Variants in RDH8 observed in about 807,000 individuals in gnomAD.
RDH8 encodes the protein photoreceptor outer segment all-trans retinol dehydrogenase.
In RDH8, 14 loss-of-function variants were observed where a neutral mutation model predicts 22.3. The observed-to-expected ratio is 0.63, with a 90% CI of 0.42 to 0.98. The LOEUF is 0.98. Ranked by LOEUF, RDH8 falls within the 50% of genes least tolerant of loss-of-function variation. The pLI, the probability that RDH8 is intolerant of heterozygous loss-of-function variation, is 0.00. For missense variants in RDH8, 389 were observed against 409.8 expected (o/e 0.95, Z 0.44); for synonymous variants, 175 against 171.7 (o/e 1.02, Z -0.15).
At chr19:10,020,992 C>T (rs559536908) in intron 4 of RDH8, 190 bp downstream of exon 4, 16 of 629,596 alleles carry the variant, frequency 2.5e-5, no homozygotes, top group African/African-American at 2.4e-4. Context: ...GGCAACATAG[C>T]GAGACCCCCA....
At chr19:10,018,186 C>A (rs1382429076) in intron 2 of RDH8, among the ~76,000 whole-genome samples, 21 of 152,086 alleles carry the variant, frequency 1.4e-4, no homozygotes, top group Admixed American at 1.4e-3. Flanking sequence ...TCAGGTGATC[C>A]ACTCACCTTG....
rs1324809590 is a variant in RDH8 at position 10,021,832 on chromosome 19, T to A, written c.*83T>A. 8.8e-6 allele frequency: 12 copies of A among 1,362,090 alleles called. No homozygotes were observed. The highest frequency in any genetic ancestry group is 1.2e-5 in the Non-Finnish European group (12 of 990,352). 84.4% of individuals were successfully genotyped at this position (1,362,090 alleles called of 1,614,324 possible). On this transcript the variant is annotated 3_prime_UTR_variant, in exon 6 of 6. Transcript: ENST00000591589. ...CTAATTCAAAGGATGAACAGACTCT[T>A]CATTTATTCATTCTGCAAACTCCCC...
At position 10,018,812 on chromosome 19, in the gene RDH8, T is replaced by A; in HGVS notation, c.344T>A (p.Phe115Tyr). ...ATGCAGAATGTCTTTGACACCAACTTTTTCGGAGCTGTCCGTCTCGTCAAA... is the reference window on the plus strand; with the variant it reads ...ATGCAGAATGTCTTTGACACCAACTATTTCGGAGCTGTCCGTCTCGTCAAA... ...AAMQNVFDTN[F>Y]FGAVRLVKAV... is the part of the protein sequence containing the mutation. The change falls in exon 3 of 6, where the codon TTT becomes TAT. Residue 115 changes from phenylalanine (F) to tyrosine (Y), a missense_variant. Physicochemically the swap from Phe to Tyr is conservative, Grantham distance 22 (BLOSUM62 3). Coordinates refer to ENST00000591589, the MANE Select transcript of RDH8 (RefSeq NM_015725.4). 6.2e-7 allele frequency: 1 copy of A among 1,613,962 alleles called. No individual in the cohort carries two copies. The highest frequency in any genetic ancestry group is 8.5e-7 in the Non-Finnish European group (1 of 1,179,946).
intron 2 of RDH8, among the ~76,000 whole-genome samples, chr19:10,017,717 G>T (rs1393719350): frequency 2.6e-4 from 39 of 152,230 alleles, no homozygotes; most frequent in Non-Finnish European, 7.4e-5. Context: ...CGTGATCTCG[G>T]CTCACTGCAA....
At chr19:10,020,115 T>TC (rs1052204229) in intron 3 of RDH8, among the ~76,000 whole-genome samples, 29 of 149,978 alleles carry the variant, frequency 1.9e-4, no homozygotes, top group South Asian at 4.2e-4. Context: ...AGACTCCGTC[T>TC]CCCCCCCGCC....
At chr19:10,017,825 T>C (rs2087630846) in intron 2 of RDH8, among the ~76,000 whole-genome samples, 1 of 151,882 alleles carries the variant, frequency 6.6e-6, no homozygotes, top group African/African-American at 2.4e-5. Flanking sequence ...TTTGTATTTT[T>C]CTTAGAGACG....
At chr19:10,016,198 G>A (rs1190891598) in intron 1 of RDH8, among the ~76,000 whole-genome samples, 2 of 150,926 alleles carry the variant, frequency 1.3e-5, no homozygotes, top group African/African-American at 2.4e-5. Context: ...CCAGGCTGGA[G>A]TGCAGTGGCG....
intron 1 of RDH8, among the ~76,000 whole-genome samples, chr19:10,016,716 C>G (rs2087620504): frequency 6.6e-6 from 1 of 152,094 alleles, no homozygotes; most frequent in Admixed American, 6.6e-5. Flanking sequence ...AAGCAATCCT[C>G]CCACCTCAGC....
At chr19:10,019,293 GTC>G (rs2145167907) in intron 3 of RDH8, among the ~76,000 whole-genome samples, 1 of 106,224 alleles carries the variant, frequency 9.4e-6, no homozygotes, top group South Asian at 4.1e-4. Flanking sequence ...GTGAAACTCT[GTC>G]TCAAAAAAAA....
Position 10,021,770 on chromosome 19 carries a change from C to G in RDH8, c.*21C>G, listed in dbSNP as rs768651450. ...GATGAGCAGAACAGAGCTTCACGATCCCCATCCCTGAACAACCAGACCTCT... is the reference window on the plus strand; with the variant it reads ...GATGAGCAGAACAGAGCTTCACGATGCCCATCCCTGAACAACCAGACCTCT... On this transcript the variant is annotated 3_prime_UTR_variant, in exon 6 of 6. Coordinates refer to ENST00000591589, the MANE Select transcript of RDH8 (RefSeq NM_015725.4). 1.2e-6 allele frequency: 2 copies of G among 1,607,002 alleles called. No homozygotes were observed. The highest frequency in any genetic ancestry group is 1.7e-6 in the Non-Finnish European group (2 of 1,175,640).
chr19:10,014,826 C>A (rs192865339), intron 1 of RDH8, among the ~76,000 whole-genome samples: 1 of 152,094 alleles, frequency 6.6e-6, no homozygotes, highest in South Asian at 2.1e-4. Flanking sequence ...CATGAGCCAC[C>A]GTGCCTGGCC....
At chr19:10,018,679 A>G (rs2087637130) in intron 2 of RDH8, 52 bp from the exon 3 acceptor site, 75 of 1,429,986 alleles carry the variant, frequency 5.2e-5, no homozygotes, top group Non-Finnish European at 7.0e-5. Flanking sequence ...TCTAGAAGTA[A>G]TGCTAGAAGA....
chr19:10,020,329 A>G (rs1238061312), intron 3 of RDH8, among the ~76,000 whole-genome samples: 1 of 80,958 alleles, frequency 1.2e-5, no homozygotes, highest in Admixed American at 1.6e-4. Context: ...AGAGAGAGAG[A>G]GAAGGAAGGA....
chr19:10,018,517 C>T (rs1240723878), intron 2 of RDH8, among the ~76,000 whole-genome samples: 3 of 152,162 alleles, frequency 2.0e-5, no homozygotes, highest in African/African-American at 7.2e-5. Flanking sequence ...GGGCACTATT[C>T]CCAGCAGCCC....
chr19:10,013,636 G>A, intron 1 of RDH8, 36 bp downstream of exon 1: 6 of 1,611,350 alleles, frequency 3.7e-6, no homozygotes, highest in Non-Finnish European at 5.1e-6. Context: ...AGGCAGCCGG[G>A]TGGAAACGGC....
rs1209100088 is a variant in RDH8, at chr19:10,021,789, G to C, written c.*40G>C. The C allele has an allele frequency of 1.9e-6, 3 of 1,579,888 alleles. No homozygotes were observed. Among genetic ancestry groups the C allele is most frequent in the East Asian group, 4.5e-5 (2 of 44,536 alleles). On this transcript the variant is annotated 3_prime_UTR_variant, in exon 6 of 6. Coordinates refer to ENST00000591589, the MANE Select transcript of RDH8 (RefSeq NM_015725.4). ...CACGATCCCCATCCCTGAACAACCA[G>C]ACCTCTTCATTCCACATCTAATTCA...
chr19:10,014,190 C>T (rs1169119056), intron 1 of RDH8, among the ~76,000 whole-genome samples: 2 of 152,166 alleles, frequency 1.3e-5, no homozygotes, highest in Admixed American at 6.5e-5. Context: ...AACCCCTGAC[C>T]CAGAGGGAGC....
rs757577161 is a variant in RDH8 at position 10,021,654 on chromosome 19, A to G, written c.841A>G (p.Thr281Ala). Residue 281 changes from threonine (T) to alanine (A), a missense_variant, in exon 6 of 6, where the codon ACC (threonine) becomes GCC (alanine). By Grantham distance (58) the Thr-to-Ala change is moderately conservative (BLOSUM62 0). Transcript: ENST00000591589. ...DSSGSLYVRT[T>A]HRLLFRCPRL... is the part of the protein sequence containing the mutation. ...CTCTGGCAGCCTGTATGTGCGAACG[A>G]CCCACCGCCTCCTCTTCCGCTGTCC... 1.2e-6 allele frequency: 2 copies of G among 1,613,880 alleles called. No homozygotes were observed. The highest frequency in any genetic ancestry group is 1.7e-6 in the Non-Finnish European group (2 of 1,179,964).
chr19:10,020,135 T>A (rs910686186), intron 3 of RDH8, among the ~76,000 whole-genome samples: 55 of 151,050 alleles, frequency 3.6e-4, no homozygotes, highest in African/African-American at 1.0e-3. Context: ...CAAAAAAAAA[T>A]TAAATTAAAT....
Sources: gnomAD v4.1 joint callset for allele counts (sites outside exome capture counted in the v4.1 genomes callset) on GRCh38, gnomAD v4.1.1 for gene constraint, MANE v1.5 for transcripts, NCBI Gene and HGNC (gene_info 2026-07-23, HGNC 2026-07-21) for gene names.